The following VTI1A variants were observed in gnomAD, a reference collection of about 807,000 sequenced individuals.
The protein encoded by VTI1A is vesicle transport through interaction with t-SNAREs homolog 1A.
In VTI1A, 22 loss-of-function variants were observed where a neutral mutation model predicts 34.9. The ratio of observed to expected loss-of-function variants is 0.63; its 90% CI spans 0.45 to 0.90. The LOEUF (loss-of-function observed/expected upper bound fraction) is 0.90, where lower values mean the gene tolerates loss of function less well. Among genes scored for constraint, VTI1A ranks in the 40% least tolerant of loss-of-function variants. The pLI is 0.00. For missense variants in VTI1A, 268 were observed against 275.6 expected, an observed-to-expected ratio of 0.97 and a Z score of 0.20; for synonymous variants, 87 against 97.3, an observed-to-expected ratio of 0.89 and a Z score of 0.62.
chr10:112,462,959 C>G (rs1047763031), intron 2 of VTI1A, among the ~76,000 whole-genome samples: 15 of 151,964 alleles, frequency 9.9e-5, no homozygotes, highest in Admixed American at 3.3e-4. Flanking sequence ...GAGTCTCGCT[C>G]CATCGCCCAG....
At chr10:112,846,761 G>A in the VTI1A span, among the ~76,000 whole-genome samples, 189 of 132,962 alleles carry the variant, frequency 1.4e-3, 5 homozygotes, top group South Asian at 0.027. Context: ...GCGAGACTCC[G>A]TCTCAAAAAA....
At chr10:112,839,751 G>A in the VTI1A span, among the ~76,000 whole-genome samples, 2 of 152,154 alleles carry the variant, frequency 1.3e-5, no homozygotes, top group East Asian at 1.9e-4. Flanking sequence ...TGATTTGCCA[G>A]ACCTAGCACC....
chr10:112,686,467 A>G (rs1446618983), intron 7 of VTI1A, among the ~76,000 whole-genome samples: 5 of 152,198 alleles, frequency 3.3e-5, no homozygotes, highest in African/African-American at 7.2e-5. Flanking sequence ...AACTATTTCT[A>G]TAGCCCTACC....
At chr10:112,731,752 A>T (rs1850271160) in intron 7 of VTI1A, among the ~76,000 whole-genome samples, 1 of 152,162 alleles carries the variant, frequency 6.6e-6, no homozygotes, top group Non-Finnish European at 1.5e-5. Flanking sequence ...TTACTTTCAT[A>T]TGTTTATTCC....
chr10:112,852,023 A>G, the VTI1A span, among the ~76,000 whole-genome samples: 1 of 152,238 alleles, frequency 6.6e-6, no homozygotes, highest in African/African-American at 2.4e-5. Flanking sequence ...AATGAGAATT[A>G]TATAACCAAT....
the VTI1A span, among the ~76,000 whole-genome samples, chr10:112,828,534 T>C: frequency 6.6e-6 from 1 of 151,514 alleles, no homozygotes; most frequent in Non-Finnish European, 1.5e-5. Context: ...GCCTCCCAAG[T>C]AGCTGGGACT....
intron 7 of VTI1A, among the ~76,000 whole-genome samples, chr10:112,798,223 C>T (rs538955758): frequency 6.6e-6 from 1 of 152,298 alleles, no homozygotes; most frequent in African/African-American, 2.4e-5. Flanking sequence ...ACTTCAGAGC[C>T]TCCAGCAGGA....
intron 5 of VTI1A, among the ~76,000 whole-genome samples, chr10:112,613,495 G>A (rs933000647): frequency 6.6e-6 from 1 of 152,008 alleles, no homozygotes; most frequent in African/African-American, 2.4e-5. Flanking sequence ...TCCCCTCTCT[G>A]TAGAGCTCAT....
chr10:112,845,889 G>C, the VTI1A span, among the ~76,000 whole-genome samples: 2 of 152,170 alleles, frequency 1.3e-5, no homozygotes, highest in African/African-American at 4.8e-5. Context: ...GTGGTGGCAC[G>C]CACCTGTAAT....
At chr10:112,747,750 G>A (rs1457066864) in intron 7 of VTI1A, among the ~76,000 whole-genome samples, 6 of 152,058 alleles carry the variant, frequency 3.9e-5, no homozygotes, top group East Asian at 1.9e-4. Flanking sequence ...AGAGGAATAC[G>A]GAGAGTATGG....
chr10:112,531,063 T>TCACACACACA (rs10670312), intron 4 of VTI1A, among the ~76,000 whole-genome samples: 6,694 of 139,764 alleles, frequency 0.048, 205 homozygotes, highest in East Asian at 0.12. Flanking sequence ...GTGACACACC[T>TCACACACACA]CACACACACA....
intron 5 of VTI1A, among the ~76,000 whole-genome samples, chr10:112,588,037 T>C (rs1197685968): frequency 2.0e-5 from 3 of 152,008 alleles, no homozygotes; most frequent in Non-Finnish European, 4.4e-5. Flanking sequence ...AAAGGAAAAA[T>C]GAAGTGGATT....
intron 7 of VTI1A, among the ~76,000 whole-genome samples, chr10:112,673,459 C>CGT (rs1428058839): frequency 1.2e-4 from 9 of 77,060 alleles, no homozygotes; most frequent in South Asian, 5.9e-4. Flanking sequence ...CACATGCGCG[C>CGT]GTGCGCGCGC....
chr10:112,706,233 C>T (rs1478857419), intron 7 of VTI1A, among the ~76,000 whole-genome samples: 1 of 152,186 alleles, frequency 6.6e-6, no homozygotes, highest in Non-Finnish European at 1.5e-5. Context: ...TTAGTTATTT[C>T]AAAGCCTTTC....
At chr10:112,453,750 G>A (rs1346480463) in intron 1 of VTI1A, among the ~76,000 whole-genome samples, 1 of 151,724 alleles carries the variant, frequency 6.6e-6, no homozygotes, top group East Asian at 1.9e-4. Flanking sequence ...CTGTTTCAGT[G>A]CTAGAATCAG....
chr10:112,650,717 C>T (rs564962971), intron 5 of VTI1A, among the ~76,000 whole-genome samples: 32 of 152,260 alleles, frequency 2.1e-4, no homozygotes, highest in Middle Eastern at 3.4e-3. Flanking sequence ...GAATTTTCAG[C>T]GCTATTATAA....
chr10:112,517,538 A>G (rs985507209), intron 3 of VTI1A, among the ~76,000 whole-genome samples: 22 of 152,194 alleles, frequency 1.4e-4, no homozygotes, highest in South Asian at 1.2e-3. Flanking sequence ...TACAACATGA[A>G]AAGAGGAAAA....
At chr10:112,636,023 A>G (rs1846340649) in intron 5 of VTI1A, among the ~76,000 whole-genome samples, 1 of 152,248 alleles carries the variant, frequency 6.6e-6, no homozygotes, top group African/African-American at 2.4e-5. Flanking sequence ...TGGAGAATGT[A>G]GGAAAGAAAT....
At chr10:112,534,677 C>T (rs1850560205) in intron 4 of VTI1A, among the ~76,000 whole-genome samples, 1 of 151,984 alleles carries the variant, frequency 6.6e-6, no homozygotes, top group Admixed American at 6.5e-5. Flanking sequence ...GCCCTCCAAC[C>T]TTTTTGTGTT....
Sources: gnomAD v4.1 joint callset for allele counts (sites outside exome capture counted in the v4.1 genomes callset) on GRCh38, gnomAD v4.1.1 for gene constraint, MANE v1.5 for transcripts, NCBI Gene and HGNC (gene_info 2026-07-23, HGNC 2026-07-21) for gene names.